DSG1: variants seen among roughly 807,000 people sequenced by gnomAD.
The protein encoded by DSG1 is desmoglein 1, also known as desmoglein-1.
In DSG1, 39 loss-of-function variants were observed where a neutral mutation model predicts 97.5. The ratio of observed to expected loss-of-function variants is 0.40; its 90% confidence interval spans 0.31 to 0.52. The LOEUF (loss-of-function observed/expected upper bound fraction) is 0.52. Among genes scored for constraint, DSG1 ranks in the 20% least tolerant of loss-of-function variants. DSG1 has a pLI of 0.53. For synonymous variants in DSG1, 475 were observed against 443.4 expected (o/e 1.07, Z -0.90); for missense variants, 1,311 against 1,295.4 (o/e 1.01, Z -0.18).
intron 6 of DSG1, among the ~76,000 whole-genome samples, chr18:31,332,573 TA>T (rs1010257208): frequency 3.3e-5 from 5 of 151,940 alleles, no homozygotes; most frequent in African/African-American, 4.8e-5. Context: ...TTTCATTATT[TA>T]AAAAAAATTG....
chr18:31,335,886 G>A (rs1339519837), intron 8 of DSG1, among the ~76,000 whole-genome samples: 1 of 151,026 alleles, frequency 6.6e-6, no homozygotes, highest in Non-Finnish European at 1.5e-5. Context: ...TATTCAAAGA[G>A]TCACACTTAC....
chr18:31,338,713 C>G (rs2071770356), intron 10 of DSG1, among the ~76,000 whole-genome samples: 1 of 152,078 alleles, frequency 6.6e-6, no homozygotes. Flanking sequence ...TTTAATCCAT[C>G]TATAGCTGTT....
chr18:31,340,756 C>A (rs16959855), intron 11 of DSG1, among the ~76,000 whole-genome samples: 1 of 152,074 alleles, frequency 6.6e-6, no homozygotes, highest in Non-Finnish European at 1.5e-5. Context: ...ATAAAAGATG[C>A]GCATGACAGC....
chr18:31,353,303 C>T lies in DSG1; in HGVS notation c.2101-994C>T, dbSNP rs371658681. Among the ~76,000 whole-genome samples the T allele has an allele frequency of 4.3e-3, 658 of 151,594 alleles. 2 individuals are homozygous for T. The highest frequency in any genetic ancestry group is 0.015 in the African/African-American group (630 of 41,224). On this transcript the variant is annotated intron_variant, in intron 14 of 14. Transcript: ENST00000257192. ...GCTCGGGGGTCAGGGGTCAGGGACC[C>T]ACTTGAGGAGGCAGTCTGCCCGTTC...
At chr18:31,319,517 T>C (rs1358500104) in intron 1 of DSG1, among the ~76,000 whole-genome samples, 1 of 152,184 alleles carries the variant, frequency 6.6e-6, no homozygotes, top group African/African-American at 2.4e-5. Flanking sequence ...TCCTATCCCA[T>C]GCTCTTTTCA....
At chr18:31,336,211 T>G in intron 8 of DSG1, 143 bp from the exon 9 acceptor site, 2 of 688,394 alleles carry the variant, frequency 2.9e-6, no homozygotes, top group Non-Finnish European at 4.7e-6. Context: ...GATTAAAAAT[T>G]TAAGAATGGA....
chr18:31,336,793 T>C (rs770186673), intron 9 of DSG1, among the ~76,000 whole-genome samples, 180 bp downstream of exon 9: 1 of 152,212 alleles, frequency 6.6e-6, no homozygotes, highest in Admixed American at 6.5e-5. Flanking sequence ...AACATAAAAA[T>C]TCATGCAAGA....
intron 14 of DSG1, among the ~76,000 whole-genome samples, chr18:31,348,438 T>G (rs1234443229): frequency 2.0e-5 from 3 of 151,764 alleles, no homozygotes; most frequent in Non-Finnish European, 2.9e-5. Context: ...TACGTGTGCA[T>G]GTGTCTTTAT....
In DSG1 at chr18:31,355,583, C is replaced by T; in HGVS notation, c.*237C>T. Reference sequence around the variant, plus strand: ...AAGGAACTAAAACTTGAGGCAGAGTCTTCTTTGTGCCTGAGTGGCCTGTAG... The same window carrying T: ...AAGGAACTAAAACTTGAGGCAGAGTTTTCTTTGTGCCTGAGTGGCCTGTAG... On this transcript the variant is annotated 3_prime_UTR_variant, in exon 15 of 15. Coordinates refer to ENST00000257192, the MANE Select transcript of DSG1 (RefSeq NM_001942.4). 1 of 550,046 alleles carries T rather than the reference C, an allele frequency of 1.8e-6. No individual in the cohort carries two copies. Among genetic ancestry groups the T allele is most frequent in the Non-Finnish European group, 3.3e-6 (1 of 306,708 alleles). The allele number at this position is 550,046 out of a possible 1,614,324, so 34.1% of individuals were successfully genotyped here. A position where few individuals can be genotyped will look rare whatever the true frequency, so the allele number is the denominator to read the frequency against.
intron 5 of DSG1, among the ~76,000 whole-genome samples, chr18:31,330,951 C>G (rs77112556): frequency 3.9e-5 from 6 of 151,972 alleles, no homozygotes; most frequent in Non-Finnish European, 5.9e-5. Context: ...TGCCATGAAG[C>G]ATTTGTAGGA....
At chr18:31,340,259 A>G (rs957425590) in intron 11 of DSG1, among the ~76,000 whole-genome samples, 6 of 151,982 alleles carry the variant, frequency 3.9e-5, no homozygotes, top group African/African-American at 1.4e-4. Flanking sequence ...GTAATGGGAA[A>G]GTGCCATAAC....
Position 31,329,939 on chromosome 18 carries a change from T to C in DSG1, c.420T>C (p.Pro140=). The C allele has an allele frequency of 6.2e-7, 1 of 1,613,344 alleles. No individual in the cohort carries two copies. The highest frequency in any genetic ancestry group is 8.5e-7 in the Non-Finnish European group (1 of 1,179,386). Reference sequence around the variant, plus strand: ...CAATGGGCCAAGATTTAGAGAGGCCTCTAGAGCTCAGAGTCAGGGTTTTGG... The same window carrying C: ...CAATGGGCCAAGATTTAGAGAGGCCCCTAGAGCTCAGAGTCAGGGTTTTGG... ...LNSMGQDLER[P]LELRVRVLDI... Residue 140 remains proline, a synonymous_variant, in exon 5 of 15, where the codon CCT becomes CCC. Transcript: ENST00000257192.
At chr18:31,347,064 G>A (rs1227740154) in intron 14 of DSG1, among the ~76,000 whole-genome samples, 2 of 152,144 alleles carry the variant, frequency 1.3e-5, no homozygotes, top group East Asian at 3.9e-4. Context: ...GGAAGTTCCT[G>A]TCCCTGACAT....
chr18:31,334,414 A>G (rs2071739591), intron 8 of DSG1, among the ~76,000 whole-genome samples: 1 of 152,090 alleles, frequency 6.6e-6, no homozygotes, highest in Admixed American at 6.6e-5. Flanking sequence ...TTAACTGGAG[A>G]CAGTTTGTCA....
rs548157114 is a variant in DSG1, at chr18:31,343,964, C to T, written c.1860C>T (p.Asn620=). The T allele has an allele frequency of 4.5e-5, 73 of 1,612,954 alleles. No homozygotes were observed. The highest frequency in any genetic ancestry group is 1.7e-4 in the Admixed American group (10 of 59,984). ...TCATACCACAAATACCACCTGATAACGCAAATATAATTGAATGCATTGACA... is the reference window on the plus strand; with the variant it reads ...TCATACCACAAATACCACCTGATAATGCAAATATAATTGAATGCATTGACA... ...TTVIPQIPPD[N]ANIIECIDNS... is the part of the protein sequence containing the mutation. The change falls in exon 13 of 15, where the codon AAC becomes AAT. Residue 620 remains asparagine, a synonymous_variant. Transcript: ENST00000257192.
intron 1 of DSG1, 95 bp from the exon 2 acceptor site, chr18:31,326,486 C>G: frequency 1.0e-6 from 1 of 995,478 alleles, no homozygotes; most frequent in South Asian, 1.4e-5. Context: ...ACTCACAAGC[C>G]TATGGTTTCA....
At chr18:31,343,100 TA>T (rs1044996482) in intron 11 of DSG1, among the ~76,000 whole-genome samples, 2 of 151,892 alleles carry the variant, frequency 1.3e-5, no homozygotes, top group African/African-American at 4.8e-5. Context: ...TTGGTAGAGA[TA>T]GGGTTTCACC....
In DSG1 at chr18:31,331,885, A is replaced by G. The variant is rs193099256; in HGVS notation, c.684+18A>G. 1.6e-5 allele frequency: 25 copies of G among 1,609,286 alleles called. No homozygotes were observed. Among genetic ancestry groups the G allele is most frequent in the Non-Finnish European group, 2.0e-5 (23 of 1,177,398 alleles). On this transcript the variant is annotated intron_variant, in intron 6 of 14. Transcript: ENST00000257192. ...ACAGAGAGGTAATTCTTTTTCTTTA[A>G]GTGGGTTTTTGGTCTCAAAGGAACT...
chr18:31,349,737 T>G, intron 14 of DSG1, among the ~76,000 whole-genome samples: 1 of 53,756 alleles, frequency 1.9e-5, no homozygotes, highest in Non-Finnish European at 3.2e-5. Context: ...CAATTGTGAA[T>G]GGGAGTTCAC....
Sources: allele counts gnomAD v4.1 joint callset (sites outside exome capture counted in the v4.1 genomes callset), GRCh38; gene constraint gnomAD v4.1.1; transcripts MANE v1.5; gene names NCBI Gene and HGNC (gene_info 2026-07-23, HGNC 2026-07-21).